NSRP1: variants seen among roughly 807,000 people sequenced by gnomAD.
NSRP1 encodes the protein coiled-coil domain containing 55.
In NSRP1, 24 loss-of-function variants were observed where a neutral mutation model predicts 54.7. That is an observed-to-expected ratio of 0.44 (90% CI 0.32 to 0.62). The LOEUF is 0.62. NSRP1 is among the 20% of genes least tolerant of loss of function. NSRP1 has a pLI of 0.06. For synonymous variants in NSRP1, 210 were observed against 213.8 expected (o/e 0.98, Z 0.15); for missense variants, 596 against 651.2 (o/e 0.92, Z 0.92).
intron 3 of NSRP1, among the ~76,000 whole-genome samples, chr17:30,177,371 G>A (rs1532042): frequency 6.6e-6 from 1 of 150,478 alleles, no homozygotes; most frequent in Non-Finnish European, 1.5e-5. Flanking sequence ...AGACCCCATC[G>A]CTTTAAAAAA....
At chr17:30,139,641 A>G (rs2071784758) in intron 2 of NSRP1, among the ~76,000 whole-genome samples, 1 of 151,576 alleles carries the variant, frequency 6.6e-6, no homozygotes, top group African/African-American at 2.4e-5. Flanking sequence ...TTTTTCCTCT[A>G]AAACAATGGC....
chr17:30,174,811 A>G (rs1467618318), intron 3 of NSRP1, among the ~76,000 whole-genome samples: 1 of 152,254 alleles, frequency 6.6e-6, no homozygotes, highest in Non-Finnish European at 1.5e-5. Flanking sequence ...CATAAGTGGT[A>G]TAAACTTAAC....
intron 2 of NSRP1, among the ~76,000 whole-genome samples, chr17:30,155,814 T>C (rs1226082337): frequency 1.3e-5 from 2 of 152,156 alleles, no homozygotes; most frequent in Non-Finnish European, 2.9e-5. Context: ...CATTCATTCA[T>C]TTACCCATCT....
At chr17:30,149,834 C>CAAA (rs773066888) in intron 2 of NSRP1, among the ~76,000 whole-genome samples, 8,383 of 98,484 alleles carry the variant, frequency 0.085, 1,149 homozygotes, top group African/African-American at 0.32. Context: ...GACCCTGTCT[C>CAAA]AAAAAAAAAA....
In NSRP1 at chr17:30,185,658, A is replaced by G. The variant is rs1905509126; in HGVS notation, c.1661A>G (p.Glu554Gly). ...CGGGTTAATGCAAAGACCTATATTG[A>G]GAAAGAAGATGATTGATGGCTACCC... The part of the protein sequence containing the change: ...MARVNAKTYI[E>G]KEDD The change falls in exon 7 of 7, where the codon GAG (glutamate) becomes GGG (glycine). Residue 554 changes from glutamate (E) to glycine (G), a missense_variant. Physicochemically the swap from Glu to Gly is moderately conservative, Grantham distance 98. Coordinates refer to ENST00000247026, the MANE Select transcript of NSRP1 (RefSeq NM_032141.4). 1 of 1,573,216 alleles carries G rather than the reference A, an allele frequency of 6.4e-7. No individual in the cohort carries two copies. Among genetic ancestry groups the G allele is most frequent in the African/African-American group, 1.4e-5 (1 of 72,608 alleles).
intron 3 of NSRP1, among the ~76,000 whole-genome samples, chr17:30,173,391 T>G (rs971097827): frequency 6.6e-6 from 1 of 152,260 alleles, no homozygotes; most frequent in Non-Finnish European, 1.5e-5. Flanking sequence ...AAGTGCTCCT[T>G]AAGATCATAC....
chr17:30,132,368 C>T (rs909063441), intron 2 of NSRP1, among the ~76,000 whole-genome samples: 1 of 151,884 alleles, frequency 6.6e-6, no homozygotes, highest in Non-Finnish European at 1.5e-5. Context: ...GCCTGGCCAA[C>T]ATGGTGAAAC....
intron 2 of NSRP1, chr17:30,122,713 T>C (rs919925422): frequency 2.0e-5 from 3 of 151,304 alleles, no homozygotes; most frequent in Non-Finnish European, 4.4e-5. Context: ...CTGGTTTTAT[T>C]TTTTGAGGAA....
intron 2 of NSRP1, among the ~76,000 whole-genome samples, chr17:30,140,246 G>T (rs965762411): frequency 6.6e-6 from 1 of 152,058 alleles, no homozygotes. Flanking sequence ...TAAGAATGTC[G>T]TTAGCATGAA....
At chr17:30,169,944 C>T (rs1213931183) in intron 2 of NSRP1, among the ~76,000 whole-genome samples, 2 of 151,306 alleles carry the variant, frequency 1.3e-5, no homozygotes, top group East Asian at 3.9e-4. Flanking sequence ...ATTTTGTGTA[C>T]ATATATATAT....
chr17:30,163,872 G>A (rs1904630982), intron 2 of NSRP1, among the ~76,000 whole-genome samples: 1 of 151,748 alleles, frequency 6.6e-6, no homozygotes, highest in Non-Finnish European at 1.5e-5. Flanking sequence ...TTTTAGTAGA[G>A]GCGAGGTTTT....
At chr17:30,161,672 T>A (rs1904521781) in intron 2 of NSRP1, among the ~76,000 whole-genome samples, 1 of 152,222 alleles carries the variant, frequency 6.6e-6, no homozygotes, top group Non-Finnish European at 1.5e-5. Context: ...AGTGCTGAAC[T>A]GTTGAAATAA....
intron 2 of NSRP1, among the ~76,000 whole-genome samples, chr17:30,124,468 C>A (rs1314671180): frequency 6.6e-6 from 1 of 152,250 alleles, no homozygotes; most frequent in Admixed American, 6.5e-5. Context: ...TTCTCCTTCC[C>A]TCCTGCTCTT....
At chr17:30,181,170 G>A (rs972732385) in intron 6 of NSRP1, among the ~76,000 whole-genome samples, 154 bp downstream of exon 6, 6 of 152,102 alleles carry the variant, frequency 3.9e-5, no homozygotes, top group African/African-American at 1.4e-4. Flanking sequence ...CTAGAAATTT[G>A]CAGTTTCTTG....
chr17:30,180,125 C>T (rs2143010255), intron 5 of NSRP1, among the ~76,000 whole-genome samples: 1 of 151,910 alleles, frequency 6.6e-6, no homozygotes, highest in Non-Finnish European at 1.5e-5. Flanking sequence ...GTGTGAGCCA[C>T]CATGACCAGC....
At chr17:30,181,262 T>A (rs761088976) in intron 6 of NSRP1, among the ~76,000 whole-genome samples, 2 of 152,152 alleles carry the variant, frequency 1.3e-5, no homozygotes, top group Non-Finnish European at 2.9e-5. Context: ...AGTGATTGAG[T>A]TTAATATTAT....
At chr17:30,178,831 G>GA (rs1330587456) in intron 4 of NSRP1, among the ~76,000 whole-genome samples, 3 of 151,106 alleles carry the variant, frequency 2.0e-5, no homozygotes, top group Admixed American at 2.0e-4. Flanking sequence ...GATAATACCA[G>GA]AAAAAAGAAA....
At chr17:30,178,458 G>A (rs1438170579) in intron 4 of NSRP1, among the ~76,000 whole-genome samples, 2 of 152,010 alleles carry the variant, frequency 1.3e-5, no homozygotes, top group East Asian at 3.9e-4. Context: ...CTTTTCCTTG[G>A]AATTCTAATG....
intron 2 of NSRP1, among the ~76,000 whole-genome samples, chr17:30,155,406 A>G (rs1278913867): frequency 6.6e-6 from 1 of 151,888 alleles, no homozygotes; most frequent in African/African-American, 2.4e-5. Context: ...TGCATTCAAA[A>G]CCTGTTCAAT....
Sources: gnomAD v4.1 joint callset for allele counts (sites outside exome capture counted in the v4.1 genomes callset) on GRCh38, gnomAD v4.1.1 for gene constraint, MANE v1.5 for transcripts, NCBI Gene and HGNC (gene_info 2026-07-23, HGNC 2026-07-21) for gene names.